Variants in TENM1 observed in about 807,000 individuals in gnomAD.
TENM1 encodes teneurin-1.
Under a neutral mutation model 174.8 loss-of-function variants are expected in TENM1, and 35 were observed. That is an observed-to-expected ratio of 0.20 (90% CI 0.15 to 0.27). The LOEUF is 0.27. Among genes scored for constraint, TENM1 ranks in the 10% least tolerant of loss-of-function variants. The pLI is 1.00. For synonymous variants in TENM1, 781 were observed against 798.7 expected (o/e 0.98, Z 0.37); for missense variants, 1,633 against 2,130.1 (o/e 0.77, Z 4.59).
intron 5 of TENM1, among the ~76,000 whole-genome samples, chrX:124,695,803 T>A (rs1474861574): frequency 9.6e-6 from 1 of 104,242 alleles, no homozygotes; most frequent in Admixed American, 1.0e-4. Flanking sequence ...AATTGAGGGA[T>A]TTTTTTTTTC....
chrX:124,676,200 A>G (rs932631083), intron 5 of TENM1, among the ~76,000 whole-genome samples: 1 of 91,442 alleles, frequency 1.1e-5, no homozygotes, highest in African/African-American at 3.9e-5. Flanking sequence ...TAGATGTAAT[A>G]TAAGCACTCT....
At chrX:125,030,260 A>G in the TENM1 span, among the ~76,000 whole-genome samples, 12 of 111,980 alleles carry the variant, frequency 1.1e-4, no homozygotes, top group African/African-American at 1.6e-4. Context: ...GGCGTTTAGG[A>G]ACCCATGAGT....
the TENM1 span, among the ~76,000 whole-genome samples, chrX:125,088,769 T>C: frequency 1.8e-5 from 2 of 110,628 alleles, no homozygotes; most frequent in Non-Finnish European, 3.8e-5. Flanking sequence ...TGGGTGATGA[T>C]TACACTGAAA....
Position 124,529,751 on chromosome X carries a change from A to G in TENM1, c.2771+113T>C, listed in dbSNP as rs1569536413. On this transcript the variant is annotated intron_variant, in intron 16 of 31. Transcript: ENST00000422452. ...AATATCACCAATGACTTTTTGAGAT[A>G]TAACTTGAAGAAAGATGGGTTTACC... The G allele has an allele frequency of 5.0e-6, 5 of 990,489 alleles. No homozygotes were observed. The East Asian group carries it at 1.6e-4, about 31-fold the overall frequency. 81.6% of individuals were successfully genotyped at this position (990,489 alleles called of 1,213,427 possible).
chrX:125,138,246 A>C, the TENM1 span, among the ~76,000 whole-genome samples: 1 of 95,814 alleles, frequency 1.0e-5, no homozygotes, highest in Non-Finnish European at 2.0e-5. Flanking sequence ...ACGGGCTCAA[A>C]AGATTTTTTT....
chrX:124,804,995 G>C (rs764489130), intron 3 of TENM1, among the ~76,000 whole-genome samples: 1 of 112,091 alleles, frequency 8.9e-6, no homozygotes, highest in East Asian at 2.8e-4. Context: ...TCAGAGGAGA[G>C]AGAGTGTATT....
chrX:125,146,697 G>C, the TENM1 span, among the ~76,000 whole-genome samples: 1 of 111,067 alleles, frequency 9.0e-6, no homozygotes, highest in Admixed American at 9.6e-5. Context: ...ATCTAGTGAG[G>C]TATAAGAAAA....
At chrX:125,133,602 A>AC in the TENM1 span, among the ~76,000 whole-genome samples, 1 of 110,917 alleles carries the variant, frequency 9.0e-6, no homozygotes, top group East Asian at 2.9e-4. Flanking sequence ...CCTCTCACTT[A>AC]CTTCAAGGTT....
chrX:124,656,335 G>A (rs1241025568), intron 6 of TENM1, among the ~76,000 whole-genome samples: 1 of 112,228 alleles, frequency 8.9e-6, no homozygotes, highest in African/African-American at 3.2e-5. Context: ...AGGAAGTTGT[G>A]TTGTTGGGCT....
At chrX:124,834,570 T>C (rs552985301) in intron 3 of TENM1, among the ~76,000 whole-genome samples, 90 of 111,443 alleles carry the variant, frequency 8.1e-4, no homozygotes, top group African/African-American at 2.8e-3. Context: ...CTAAGGGGAG[T>C]GTATATTCAG....
At chrX:125,064,425 G>A in the TENM1 span, among the ~76,000 whole-genome samples, 1 of 110,521 alleles carries the variant, frequency 9.0e-6, no homozygotes, top group Non-Finnish European at 1.9e-5. Context: ...TTATGGCAAA[G>A]TTTGTGTAGA....
intron 4 of TENM1, among the ~76,000 whole-genome samples, chrX:124,730,415 A>C (rs2053539460): frequency 9.0e-6 from 1 of 111,585 alleles, no homozygotes; most frequent in Admixed American, 9.5e-5. Flanking sequence ...TAATGCTCAC[A>C]ATGGCCTTAT....
intron 23 of TENM1, among the ~76,000 whole-genome samples, chrX:124,430,319 A>G (rs956843335): frequency 2.7e-5 from 3 of 111,951 alleles, no homozygotes; most frequent in Admixed American, 9.5e-5. Context: ...GCTTCAATGC[A>G]CTAGAAGGAA....
At chrX:124,478,293 A>T (rs1217625623) in intron 22 of TENM1, among the ~76,000 whole-genome samples, 2 of 112,478 alleles carry the variant, frequency 1.8e-5, no homozygotes, top group Non-Finnish European at 3.8e-5. Flanking sequence ...CATGTATTGA[A>T]AAAGAAAGTC....
At chrX:124,507,616 T>A (rs1310876377) in intron 18 of TENM1, among the ~76,000 whole-genome samples, 2 of 112,011 alleles carry the variant, frequency 1.8e-5, no homozygotes, top group East Asian at 5.6e-4. Flanking sequence ...ATTCTACTTA[T>A]CAGAGCAGCA....
At chrX:124,986,762 C>A in the TENM1 span, among the ~76,000 whole-genome samples, 1 of 111,170 alleles carries the variant, frequency 9.0e-6, no homozygotes, top group African/African-American at 3.3e-5. Flanking sequence ...CTGCCTCAGC[C>A]TCCTGAGTAG....
At chrX:125,171,673 T>C in the TENM1 span, among the ~76,000 whole-genome samples, 985 of 111,491 alleles carry the variant, frequency 8.8e-3, 12 homozygotes, top group East Asian at 0.1. Context: ...AGCTGGCTCT[T>C]TATGAACCAA....
intron 3 of TENM1, among the ~76,000 whole-genome samples, chrX:124,870,082 G>A (rs949339489): frequency 9.0e-6 from 1 of 111,372 alleles, no homozygotes; most frequent in Non-Finnish European, 1.9e-5. Context: ...AAAATCTCAT[G>A]TACCCTCTAA....
intron 11 of TENM1, among the ~76,000 whole-genome samples, chrX:124,622,283 T>C (rs1006554608): frequency 9.0e-6 from 1 of 111,687 alleles, no homozygotes; most frequent in Non-Finnish European, 1.9e-5. Flanking sequence ...TTCAATCTAA[T>C]ATTAGGGGTG....
Sources: allele counts gnomAD v4.1 joint callset (sites outside exome capture counted in the v4.1 genomes callset), GRCh38; gene constraint gnomAD v4.1.1; transcripts MANE v1.5; gene names NCBI Gene and HGNC (gene_info 2026-07-23, HGNC 2026-07-21).